The following GTF2A2 variants were observed in gnomAD, a reference collection of about 807,000 sequenced individuals.
GTF2A2 encodes the protein general transcription factor IIA subunit 2.
Under a neutral mutation model 14.3 loss-of-function variants are expected in GTF2A2, and 9 were observed. The ratio of observed to expected loss-of-function variants is 0.63; its 90% CI spans 0.38 to 1.10. The LOEUF is 1.10. GTF2A2 is among the 50% of genes least tolerant of loss of function. The pLI, the probability that GTF2A2 is intolerant of heterozygous loss-of-function variation, is 0.01. For synonymous variants in GTF2A2, 56 were observed against 46.0 expected (o/e 1.22, Z -0.88); for missense variants, 90 against 124.6 (o/e 0.72, Z 1.32).
In GTF2A2 at chr15:59,639,102, G is replaced by C. The variant is rs1228218459; in HGVS notation, c.*30C>G. 5.5e-6 allele frequency: 7 copies of C among 1,265,966 alleles called. No individual in the cohort carries two copies. In the African/African-American group the frequency reaches 1.0e-4, roughly 19 times the overall value. The allele number at this position is 1,265,966 out of a possible 1,614,324, so 78.4% of individuals were successfully genotyped here. On this transcript the variant is annotated 3_prime_UTR_variant, in exon 5 of 5. Coordinates refer to ENST00000396060, the MANE Select transcript of GTF2A2 (RefSeq NM_004492.3). The stretch of plus-strand genomic sequence containing the variant: ...TCTTCAAAAGCAATGAATAACAGAA[G>C]ATGGTGTAAAAAAGTCATATTTTTT...
intron 4 of GTF2A2, 106 bp from the exon 5 acceptor site, chr15:59,639,263 G>C (rs1340875156): frequency 8.1e-6 from 6 of 743,676 alleles, no homozygotes; most frequent in Non-Finnish European, 1.5e-5. Context: ...GACTAATAGT[G>C]GTGGTGGCTT....
At chr15:59,650,855 A>T (rs1235306819) in intron 2 of GTF2A2, 82 bp from the exon 3 acceptor site, 1 of 759,020 alleles carries the variant, frequency 1.3e-6, no homozygotes, top group East Asian at 2.6e-5. Flanking sequence ...ATTATCATCT[A>T]AAATTTAACT....
chr15:59,640,597 T>G (rs1035272983), intron 4 of GTF2A2, among the ~76,000 whole-genome samples: 5 of 152,208 alleles, frequency 3.3e-5, no homozygotes, highest in Non-Finnish European at 4.4e-5. Context: ...TATTGGAAAA[T>G]GCAACAGAAC....
chr15:59,652,286 A>G lies in GTF2A2; in HGVS notation c.-9T>C. 1 of 1,553,150 alleles carries G rather than the reference A, an allele frequency of 6.4e-7. No homozygotes were observed. The highest frequency in any genetic ancestry group is 8.8e-7 in the Non-Finnish European group (1 of 1,134,678). ...TATAACTGATATGCCATGGCTTAGG[A>G]GGAAGAATTTGTTTTTCTTATTCAA... On this transcript the variant is annotated 5_prime_UTR_variant, in exon 2 of 5. Coordinates refer to ENST00000396060, the MANE Select transcript of GTF2A2 (RefSeq NM_004492.3).
intron 1 of GTF2A2, chr15:59,652,770 G>C (rs1891833080): frequency 6.5e-6 from 1 of 153,738 alleles, no homozygotes; most frequent in African/African-American, 2.4e-5. Flanking sequence ...ACAGGTTCCA[G>C]AGAGAAGATG....
rs146205715 is a variant in GTF2A2, at chr15:59,643,860, A to C, written c.178-1598T>G. On this transcript the variant is annotated intron_variant, in intron 3 of 4. Transcript: ENST00000396060. ...TGATCTGCCCACCTTGGCCTCCCAAAGTTTTGGAATTACAGGCGTGAGCCA... is the reference window on the plus strand; with the variant it reads ...TGATCTGCCCACCTTGGCCTCCCAACGTTTTGGAATTACAGGCGTGAGCCA... Among the ~76,000 whole-genome samples the C allele has an allele frequency of 3.4e-3, 513 of 151,476 alleles. 1 individual carries two copies. The highest frequency in any genetic ancestry group is 0.012 in the African/African-American group (480 of 41,210).
At chr15:59,639,680 G>C (rs1000920645) in intron 4 of GTF2A2, among the ~76,000 whole-genome samples, 1 of 151,768 alleles carries the variant, frequency 6.6e-6, no homozygotes, top group Non-Finnish European at 1.5e-5. Context: ...GGATGGTCTC[G>C]ATCTCCTGAC....
chr15:59,638,321 A>T lies in GTF2A2; in HGVS notation c.*811T>A, dbSNP rs895889822. 3 of 152,212 alleles carry T rather than the reference A, an allele frequency of 2.0e-5. No individual in the cohort carries two copies. The highest frequency in any genetic ancestry group is 2.9e-5 in the Non-Finnish European group (2 of 68,046). The allele number at this position is 152,212 out of a possible 1,614,324, so 9.4% of individuals were successfully genotyped here. On this transcript the variant is annotated 3_prime_UTR_variant, in exon 5 of 5. Transcript: ENST00000396060. ...TTACTCCAATTGGGTCAATCCAGTT[A>T]ACCATGTAAGAAACTCCTCACCTAG...
In GTF2A2 at chr15:59,646,590, A is replaced by C. The variant is rs181554516; in HGVS notation, c.177+4079T>G. Among the ~76,000 whole-genome samples, 20 of 152,318 alleles carry C rather than the reference A, an allele frequency of 1.3e-4. No homozygotes were observed. The East Asian group carries it at 3.1e-3, about 23-fold the overall frequency. ...CAAATATAAAGCATTTTAGATGTAG[A>C]TTGGAGTGAAAAATCTTACATATCA... On this transcript the variant is annotated intron_variant, in intron 3 of 4. Coordinates refer to ENST00000396060, the MANE Select transcript of GTF2A2 (RefSeq NM_004492.3).
intron 4 of GTF2A2, among the ~76,000 whole-genome samples, chr15:59,640,710 T>C (rs1371863326): frequency 6.6e-6 from 1 of 152,124 alleles, no homozygotes; most frequent in African/African-American, 2.4e-5. Flanking sequence ...TTCTACAGAC[T>C]AATAAAAATA....
rs540424907 is a variant in GTF2A2 at position 59,648,657 on chromosome 15, G to A, written c.177+2012C>T. 9.2e-5 allele frequency among the ~76,000 whole-genome samples: 14 copies of A among 151,914 alleles called. No individual in the cohort carries two copies. The Middle Eastern group carries it at 0.02, about 221-fold the overall frequency. ...AAGGATTTAAAACAAAAAACAGGCC[G>A]GGCGCAGTGGCTCAAGCCTGTAATC... On this transcript the variant is annotated intron_variant, in intron 3 of 4. Coordinates refer to ENST00000396060, the MANE Select transcript of GTF2A2 (RefSeq NM_004492.3).
At chr15:59,639,355 A>G (rs1395673768) in intron 4 of GTF2A2, among the ~76,000 whole-genome samples, 198 bp from the exon 5 acceptor site, 5 of 152,202 alleles carry the variant, frequency 3.3e-5, no homozygotes, top group African/African-American at 1.2e-4. Context: ...CAGAGATACA[A>G]AGATGCTTAG....
chr15:59,638,735 T>TAAA lies in GTF2A2; in HGVS notation c.*396_*397insTTT. ...TGCTGATGCTTTCATCAGGTAAAGT[T>TAAA]ACAACTGACAAAACATGACTTTATT... is the stretch of plus-strand genomic sequence containing the variant. On this transcript the variant is annotated 3_prime_UTR_variant, in exon 5 of 5. Coordinates refer to ENST00000396060, the MANE Select transcript of GTF2A2 (RefSeq NM_004492.3). 1 of 156,508 alleles carries TAAA rather than the reference T, an allele frequency of 6.4e-6. No individual in the cohort carries two copies. The highest frequency in any genetic ancestry group is 1.9e-4 in the East Asian group (1 of 5,324). The allele number at this position is 156,508 out of a possible 1,614,324, so 9.7% of individuals were successfully genotyped here.
intron 2 of GTF2A2, 144 bp from the exon 3 acceptor site, chr15:59,650,917 C>A: frequency 1.8e-6 from 1 of 571,404 alleles, no homozygotes; most frequent in Non-Finnish European, 3.1e-6. Flanking sequence ...TTTGCCATAA[C>A]TGATGATGAA....
chr15:59,641,473 C>T (rs1891425199), intron 4 of GTF2A2, among the ~76,000 whole-genome samples: 1 of 152,128 alleles, frequency 6.6e-6, no homozygotes. Flanking sequence ...CTCCCTGTGT[C>T]AAAGAGCAGC....
intron 4 of GTF2A2, among the ~76,000 whole-genome samples, chr15:59,639,910 C>G (rs1231267344): frequency 6.6e-6 from 1 of 152,086 alleles, no homozygotes; most frequent in Non-Finnish European, 1.5e-5. Flanking sequence ...ACCACCATGC[C>G]TGGCTAATTT....
chr15:59,656,587 A>C (rs1891949529), intron 1 of GTF2A2, among the ~76,000 whole-genome samples: 1 of 148,484 alleles, frequency 6.7e-6, no homozygotes, highest in Non-Finnish European at 1.5e-5. Flanking sequence ...AATAGGAGCC[A>C]AAAAAAAATC....
intron 4 of GTF2A2, among the ~76,000 whole-genome samples, chr15:59,641,709 A>G (rs774036945): frequency 2.0e-5 from 3 of 152,238 alleles, no homozygotes; most frequent in Admixed American, 6.5e-5. Context: ...AATATTTACC[A>G]TCATGACTCC....
rs1891305554 is a variant in GTF2A2 at position 59,639,337 on chromosome 15, CT to C, written c.305-181del. On this transcript the variant is annotated intron_variant, in intron 4 of 4. Coordinates refer to ENST00000396060, the MANE Select transcript of GTF2A2 (RefSeq NM_004492.3). ...AATATGTTGAACTTCAGTAAGTTTCCTTTTAAGCAGAGATACAAAGATGCTT... is the reference window on the plus strand; with the variant it reads ...AATATGTTGAACTTCAGTAAGTTTCCTTTAAGCAGAGATACAAAGATGCTT... Among the ~76,000 whole-genome samples, 3 of 151,902 alleles carry C rather than the reference CT, an allele frequency of 2.0e-5. No homozygotes were observed. In the South Asian group the frequency reaches 6.2e-4, roughly 31 times the overall value.
Sources: allele counts gnomAD v4.1 joint callset (sites outside exome capture counted in the v4.1 genomes callset), GRCh38; gene constraint gnomAD v4.1.1; transcripts MANE v1.5; gene names NCBI Gene and HGNC (gene_info 2026-07-23, HGNC 2026-07-21).